RBPJ: variants seen among roughly 807,000 people sequenced by gnomAD.
RBPJ encodes the protein recombination signal binding protein for immunoglobulin kappa J region, also known as recombining binding protein suppressor of hairless.
Under a neutral mutation model 67.8 loss-of-function variants are expected in RBPJ, and 9 were observed. That is an observed-to-expected ratio of 0.13 (90% CI 0.08 to 0.23). The LOEUF (loss-of-function observed/expected upper bound fraction) is 0.23. RBPJ is among the 10% of genes least tolerant of loss of function. RBPJ has a pLI of 1.00. For missense variants in RBPJ, 305 were observed against 595.6 expected (o/e 0.51, Z 5.08); for synonymous variants, 198 against 203.3 (o/e 0.97, Z 0.22).
intron 2 of RBPJ, among the ~76,000 whole-genome samples, chr4:26,391,866 T>C (rs1019378336): frequency 6.6e-6 from 1 of 152,238 alleles, no homozygotes; most frequent in Non-Finnish European, 1.5e-5. Context: ...GGGTGGCTTA[T>C]AAGCCACAAA....
At chr4:26,157,371 T>TA in the RBPJ span, among the ~76,000 whole-genome samples, 223 of 152,248 alleles carry the variant, frequency 1.5e-3, no homozygotes, top group Non-Finnish European at 2.5e-3. Context: ...AGTTTGAGGT[T>TA]ACAGTGAGCT....
At chr4:26,342,563 T>G (rs1333397731) in intron 1 of RBPJ, among the ~76,000 whole-genome samples, 1 of 152,238 alleles carries the variant, frequency 6.6e-6, no homozygotes, top group Non-Finnish European at 1.5e-5. Context: ...CTTAGTCATC[T>G]GACAACACAT....
the RBPJ span, among the ~76,000 whole-genome samples, chr4:26,140,721 C>G: frequency 6.8e-6 from 1 of 147,456 alleles, no homozygotes; most frequent in African/African-American, 2.5e-5. Flanking sequence ...GGTCCAGCAC[C>G]GCCCTAGTGT....
At chr4:26,396,480 G>T (rs1284228305) in intron 2 of RBPJ, among the ~76,000 whole-genome samples, 3 of 152,234 alleles carry the variant, frequency 2.0e-5, no homozygotes, top group African/African-American at 7.2e-5. Flanking sequence ...TTGATTGTCA[G>T]CACCTCATAC....
the RBPJ span, among the ~76,000 whole-genome samples, chr4:26,147,968 C>G: frequency 1.3e-5 from 2 of 152,138 alleles, no homozygotes; most frequent in Admixed American, 1.3e-4. Context: ...CATTTCAGGC[C>G]CCACCTTGAA....
At chr4:26,303,625 G>GTTTATAA (rs886319169) in intron 1 of RBPJ, among the ~76,000 whole-genome samples, 9 of 151,884 alleles carry the variant, frequency 5.9e-5, no homozygotes, top group Non-Finnish European at 1.0e-4. Flanking sequence ...TTAATATGAA[G>GTTTATAA]TTTATAATCA....
intron 1 of RBPJ, among the ~76,000 whole-genome samples, chr4:26,382,197 T>C (rs1730398911): frequency 6.6e-6 from 1 of 152,180 alleles, no homozygotes; most frequent in Non-Finnish European, 1.5e-5. Flanking sequence ...CAAATAAAGA[T>C]AAAAAATGTG....
chr4:26,336,769 C>G (rs1458134779), intron 1 of RBPJ, among the ~76,000 whole-genome samples: 1 of 150,912 alleles, frequency 6.6e-6, no homozygotes, highest in Non-Finnish European at 1.5e-5. Context: ...TAGTTTTTTT[C>G]TCCTGATAAC....
chr4:26,366,656 G>A (rs537742694), intron 1 of RBPJ, among the ~76,000 whole-genome samples: 11 of 152,080 alleles, frequency 7.2e-5, no homozygotes, highest in Admixed American at 2.6e-4. Flanking sequence ...TCCTGAAATC[G>A]TGATCTGCCT....
chr4:26,127,705 A>T, the RBPJ span, among the ~76,000 whole-genome samples: 64 of 152,168 alleles, frequency 4.2e-4, no homozygotes, highest in Admixed American at 1.0e-3. Context: ...TTGAACTAGG[A>T]CTTGAAAGAT....
At chr4:26,386,016 G>A (rs184383737) in intron 1 of RBPJ, among the ~76,000 whole-genome samples, 56 of 152,180 alleles carry the variant, frequency 3.7e-4, no homozygotes, top group African/African-American at 1.3e-3. Context: ...CGAATGTATA[G>A]CATAGTGCCT....
intron 1 of RBPJ, 37 bp downstream of exon 1, chr4:26,321,085 A>C: frequency 9.1e-6 from 14 of 1,530,908 alleles, no homozygotes; most frequent in Non-Finnish European, 1.3e-5. Context: ...GGAACCGGGA[A>C]AGTTGCGGGC....
chr4:26,180,886 C>G (rs1029161194), intron 1 of RBPJ, among the ~76,000 whole-genome samples: 4 of 152,200 alleles, frequency 2.6e-5, no homozygotes, highest in African/African-American at 9.7e-5. Context: ...TAGGGATTTA[C>G]ATGGGTCAGG....
At chr4:26,141,838 T>C in the RBPJ span, among the ~76,000 whole-genome samples, 3 of 152,296 alleles carry the variant, frequency 2.0e-5, no homozygotes, top group East Asian at 5.8e-4. Flanking sequence ...TTCCTGCCAT[T>C]CTACTCTACT....
chr4:26,390,528 G>A (rs1731392812), intron 2 of RBPJ, among the ~76,000 whole-genome samples: 1 of 152,166 alleles, frequency 6.6e-6, no homozygotes, highest in Non-Finnish European at 1.5e-5. Flanking sequence ...TGATAAGTGA[G>A]TTTAGCAAGG....
chr4:26,394,293 C>G (rs928809733), intron 2 of RBPJ, among the ~76,000 whole-genome samples: 3 of 152,112 alleles, frequency 2.0e-5, no homozygotes, highest in African/African-American at 7.2e-5. Flanking sequence ...TCCCAAAATG[C>G]TGGGATTACA....
intron 1 of RBPJ, among the ~76,000 whole-genome samples, chr4:26,327,722 G>A (rs1046849497): frequency 7.9e-5 from 12 of 152,062 alleles, no homozygotes; most frequent in African/African-American, 2.9e-4. Flanking sequence ...GCTCAGGCCT[G>A]TAATCCCAGC....
At chr4:26,352,363 C>T (rs569607777) in intron 1 of RBPJ, among the ~76,000 whole-genome samples, 18 of 152,312 alleles carry the variant, frequency 1.2e-4, no homozygotes, top group African/African-American at 3.6e-4. Context: ...GGACACTAAT[C>T]CCATTCATGA....
chr4:26,257,344 G>T (rs1720373720), intron 1 of RBPJ, among the ~76,000 whole-genome samples: 2 of 152,174 alleles, frequency 1.3e-5, no homozygotes. Flanking sequence ...TAAACAGGTG[G>T]AGTCGCCGGG....
Sources: allele counts gnomAD v4.1 joint callset (sites outside exome capture counted in the v4.1 genomes callset), GRCh38; gene constraint gnomAD v4.1.1; transcripts MANE v1.5; gene names NCBI Gene and HGNC (gene_info 2026-07-23, HGNC 2026-07-21).